SRCIN1: variants seen among roughly 807,000 people sequenced by gnomAD.
The protein encoded by SRCIN1 is P130Cas-associated protein.
Under a neutral mutation model 116.2 loss-of-function variants are expected in SRCIN1, and 50 were observed. The ratio of observed to expected loss-of-function variants is 0.43; its 90% confidence interval spans 0.34 to 0.54. The LOEUF is 0.54. Ranked by LOEUF, SRCIN1 falls within the 20% of genes least tolerant of loss-of-function variation. The pLI, the probability that SRCIN1 is intolerant of heterozygous loss-of-function variation, is 0.02. For missense variants in SRCIN1, 1,446 were observed against 1,672.0 expected, an observed-to-expected ratio of 0.86 and a Z score of 2.36; for synonymous variants, 736 against 750.0, an observed-to-expected ratio of 0.98 and a Z score of 0.30.
chr17:38,565,361 T>C (rs1472918397), intron 3 of SRCIN1, among the ~76,000 whole-genome samples: 1 of 152,234 alleles, frequency 6.6e-6, no homozygotes, highest in Non-Finnish European at 1.5e-5. Context: ...TACATATATG[T>C]ATTACATATA....
At chr17:38,583,524 G>A (rs1744054240) in intron 1 of SRCIN1, among the ~76,000 whole-genome samples, 1 of 149,178 alleles carries the variant, frequency 6.7e-6, no homozygotes, top group African/African-American at 2.5e-5. Context: ...GAGAAAGTAG[G>A]TTGTTTTCTT....
chr17:38,581,572 G>A (rs1163703866), intron 1 of SRCIN1, among the ~76,000 whole-genome samples: 3 of 151,674 alleles, frequency 2.0e-5, no homozygotes, highest in Admixed American at 6.6e-5. Context: ...GGATGGTAGT[G>A]AAATAAAGTT....
In SRCIN1 at chr17:38,548,027, G is replaced by A. The variant is rs184767043; in HGVS notation, c.3270+530C>T. 5.6e-5 allele frequency: 11 copies of A among 195,600 alleles called. No homozygotes were observed. In the East Asian group the frequency reaches 1.1e-3, roughly 19 times the overall value. 12.1% of individuals were successfully genotyped at this position (195,600 alleles called of 1,614,324 possible). A position where few individuals can be genotyped will look rare whatever the true frequency, so the allele number is the denominator to read the frequency against. ...CACCCCTTGGTCCCTTGCCATAGCC[G>A]CCAGCCCTCTCTGCCCTCATCTGGT... On this transcript the variant is annotated intron_variant, in intron 17 of 18. Transcript: ENST00000617146.
chr17:38,558,273 G>T lies in SRCIN1; in HGVS notation c.2155C>A (p.Arg719=). 6.2e-7 allele frequency: 1 copy of T among 1,612,764 alleles called. No individual in the cohort carries two copies. The highest frequency in any genetic ancestry group is 8.5e-7 in the Non-Finnish European group (1 of 1,179,686). The change falls in exon 11 of 19, where the codon CGG becomes AGG. Residue 719 remains arginine, a synonymous_variant. Coordinates refer to ENST00000617146, the MANE Select transcript of SRCIN1 (RefSeq NM_025248.3). The surrounding 1 kb of genome is among the most constrained non-coding windows in gnomAD (Gnocchi z 4.6). ...TCCTCGTCGTTGAGATAGCGCAGCC[G>T]TTCCTCTTCCACCAGGGTGCGCTGC... The part of the protein sequence containing the change: ...QRQRTLVEEE[R]LRYLNDEELI...
At position 38,604,093 on chromosome 17, in the gene SRCIN1, G is replaced by A. The variant is rs748341087; in HGVS notation, c.22+1591C>T. Among the ~76,000 whole-genome samples the A allele has an allele frequency of 1.3e-5, 2 of 152,142 alleles. No homozygotes were observed. Among genetic ancestry groups the A allele is most frequent in the Non-Finnish European group, 2.9e-5 (2 of 68,024 alleles). ...AGATCAACAAGAGGGAAAGGGATGGGAATAAGAGAAACTGAGGCAAGGAAT... is the reference window on the plus strand; with the variant it reads ...AGATCAACAAGAGGGAAAGGGATGGAAATAAGAGAAACTGAGGCAAGGAAT... On this transcript the variant is annotated intron_variant, in intron 1 of 18. Coordinates refer to ENST00000617146, the MANE Select transcript of SRCIN1 (RefSeq NM_025248.3). The surrounding 1 kb of genome is among the most constrained non-coding windows in gnomAD (Gnocchi z 4.3).
At chr17:38,574,536 C>T (rs1907285588) in intron 2 of SRCIN1, among the ~76,000 whole-genome samples, 1 of 152,098 alleles carries the variant, frequency 6.6e-6, no homozygotes, top group African/African-American at 2.4e-5. Context: ...TAAGATAGTC[C>T]TCAGTGGGAG....
At chr17:38,560,554 G>T (rs752872063) in intron 7 of SRCIN1, 129 bp from the exon 8 acceptor site, 115 of 739,106 alleles carry the variant, frequency 1.6e-4, no homozygotes, top group Admixed American at 4.7e-4. Context: ...CACAGACAAC[G>T]CAAAGGGCCC....
In SRCIN1 at chr17:38,568,155, G is replaced by T; in HGVS notation, c.345+56C>A. On this transcript the variant is annotated intron_variant, in intron 3 of 18. Coordinates refer to ENST00000617146, the MANE Select transcript of SRCIN1 (RefSeq NM_025248.3). The surrounding 1 kb of genome is among the most constrained non-coding windows in gnomAD (Gnocchi z 4.5). ...AAGCCTGTGCAAGGGAGAGGCAGGG[G>T]CAGGGGAGGGAGAGCACATGCAGTT... is the stretch of plus-strand genomic sequence containing the variant. 1 of 1,602,958 alleles carries T rather than the reference G, an allele frequency of 6.2e-7. No homozygotes were observed. The highest frequency in any genetic ancestry group is 8.5e-7 in the Non-Finnish European group (1 of 1,171,976).
In SRCIN1 at chr17:38,564,233, C is replaced by T; in HGVS notation, c.426G>A (p.Glu142=). 6.3e-7 allele frequency: 1 copy of T among 1,580,506 alleles called. No individual in the cohort carries two copies. Among genetic ancestry groups the T allele is most frequent in the Non-Finnish European group, 8.6e-7 (1 of 1,164,746 alleles). Residue 142 remains glutamate, a synonymous_variant, in exon 4 of 19, where the codon GAG becomes GAA. Transcript: ENST00000617146. ...CGGCCTCCGACATGGTCTCCAGCGA[C>T]TCGGCGGAGGCGTAGGACAGCTTTG... ...QAAKLSYASA[E]SLETMSEAEL... is the part of the protein sequence containing the mutation.
intron 18 of SRCIN1, chr17:38,542,724 C>A: frequency 4.9e-6 from 1 of 202,816 alleles, no homozygotes; most frequent in Non-Finnish European, 1.0e-5. Flanking sequence ...GGAAGGGTTC[C>A]AAGATTCCTA....
At chr17:38,540,620 C>T (rs1904671769) in intron 18 of SRCIN1, among the ~76,000 whole-genome samples, 1 of 152,242 alleles carries the variant, frequency 6.6e-6, no homozygotes, top group African/African-American at 2.4e-5. Context: ...TGGAGCACAC[C>T]GAGGGTGTGG....
chr17:38,606,123 C>A (rs1350032275), upstream of SRCIN1, among the ~76,000 whole-genome samples: 4 of 150,730 alleles, frequency 2.7e-5, no homozygotes, highest in African/African-American at 9.8e-5. This position sits in a 1 kb window ranked among gnomAD's most constrained non-coding sequence, Gnocchi z 5.2. Flanking sequence ...GATCCCGCAG[C>A]GCGCGGCCGG....
rs1333655890 is a variant in SRCIN1 at position 38,551,369 on chromosome 17, C to T, written c.2748G>A (p.Glu916=). The T allele has an allele frequency of 6.2e-7, 1 of 1,612,336 alleles. No homozygotes were observed. Among genetic ancestry groups the T allele is most frequent in the South Asian group, 1.1e-5 (1 of 90,590 alleles). The change falls in exon 15 of 19, where the codon GAG becomes GAA. Residue 916 remains glutamate, a synonymous_variant. Transcript: ENST00000617146. ...VSVEAAERDW[E]EKRAALTQYS... is the part of the protein sequence containing the mutation. ...ACTGGGTCAGGGCTGCCCGCTTCTC[C>T]TCCCAGTCTCGCTCTGCAGCCTTAA...
chr17:38,599,938 G>C (rs761858264), intron 1 of SRCIN1, among the ~76,000 whole-genome samples: 2 of 152,144 alleles, frequency 1.3e-5, no homozygotes, highest in African/African-American at 2.4e-5. Flanking sequence ...TATCTTCTCT[G>C]GGTTCAGAGA....
intron 18 of SRCIN1, among the ~76,000 whole-genome samples, chr17:38,534,805 G>T (rs897837361): frequency 6.6e-6 from 1 of 152,158 alleles, no homozygotes; most frequent in African/African-American, 2.4e-5. Context: ...CTACAGTGTA[G>T]TTTGCCATCT....
upstream of SRCIN1, among the ~76,000 whole-genome samples, chr17:38,606,508 C>T (rs922107132): frequency 9.3e-4 from 141 of 152,256 alleles, no homozygotes; most frequent in Non-Finnish European, 1.8e-3. This position sits in a 1 kb window ranked among gnomAD's most constrained non-coding sequence, Gnocchi z 5.2. Flanking sequence ...TCTGGGCTCC[C>T]CGGCGCCCCC....
rs1567857862 is a variant in SRCIN1, at chr17:38,551,278, C to T, written c.2839G>A (p.Asp947Asn). 2 of 1,613,790 alleles carry T rather than the reference C, an allele frequency of 1.2e-6. No homozygotes were observed. The highest frequency in any genetic ancestry group is 1.7e-6 in the Non-Finnish European group (2 of 1,179,866). The change falls in exon 15 of 19, where the codon GAC becomes AAC. Residue 947 changes from aspartate (D) to asparagine (N), a missense_variant. By Grantham distance (23) the Asp-to-Asn change is conservative. Around this residue, in one of 5 missense-constraint regions of SRCIN1, gnomAD observed 531 missense variants for 633.9 expected, o/e 0.84. Coordinates refer to ENST00000617146, the MANE Select transcript of SRCIN1 (RefSeq NM_025248.3). The part of the protein sequence containing the change: ...TQAELLKAIP[D>N]LDCASKAHPG... ...TGGGCCTTGCTGGCACAGTCCAGGTCAGGGATGGCCTTGAGCAGCTCTGCC... is the reference window on the plus strand; with the variant it reads ...TGGGCCTTGCTGGCACAGTCCAGGTTAGGGATGGCCTTGAGCAGCTCTGCC...
At position 38,585,384 on chromosome 17, in the gene SRCIN1, A is replaced by G. The variant is rs1430966720; in HGVS notation, c.23-6593T>C. 6.6e-6 allele frequency among the ~76,000 whole-genome samples: 1 copy of G among 152,232 alleles called. No individual in the cohort carries two copies. The highest frequency in any genetic ancestry group is 1.9e-4 in the East Asian group (1 of 5,204). On this transcript the variant is annotated intron_variant, in intron 1 of 18. Coordinates refer to ENST00000617146, the MANE Select transcript of SRCIN1 (RefSeq NM_025248.3). This position sits in a 1 kb window ranked among gnomAD's most constrained non-coding sequence, Gnocchi z 4.2. ...GCACTGCCACCTTCGATTGTGCATGATGACTCCATCCTGCTGGGTGCCTGC... is the reference window on the plus strand; with the variant it reads ...GCACTGCCACCTTCGATTGTGCATGGTGACTCCATCCTGCTGGGTGCCTGC...
In SRCIN1 at chr17:38,579,680, AAAAG is replaced by A. The variant is rs1292630973; in HGVS notation, c.23-893_23-890del. On this transcript the variant is annotated intron_variant, in intron 1 of 18. Transcript: ENST00000617146. ...AGGGGACAAAGGACAGCACAGAAGC[AAAAG>A]AAAGAGAAGGCCGGGGGTTGAGGTC... Among the ~76,000 whole-genome samples the A allele has an allele frequency of 2.0e-5, 3 of 152,162 alleles. No individual in the cohort carries two copies. The East Asian group carries it at 5.8e-4, about 29-fold the overall frequency.
Sources: allele counts gnomAD v4.1 joint callset (sites outside exome capture counted in the v4.1 genomes callset), GRCh38; gene constraint gnomAD v4.1.1; regional missense constraint gnomAD v4.1.1; non-coding constraint Gnocchi (gnomAD v3.1); transcripts MANE v1.5; gene names NCBI Gene and HGNC (gene_info 2026-07-23, HGNC 2026-07-21).